Variants in PSD3 observed in about 807,000 individuals in gnomAD.
PSD3 encodes pleckstrin and Sec7 domain containing 3, also known as PH and SEC7 domain-containing protein 3.
In PSD3, 49 loss-of-function variants were observed where a neutral mutation model predicts 105.5. The ratio of observed to expected loss-of-function variants is 0.46; its 90% CI spans 0.37 to 0.59. PSD3 has a LOEUF of 0.59. Ranked by LOEUF, PSD3 falls within the 20% of genes least tolerant of loss-of-function variation. The pLI, the probability that PSD3 is intolerant of heterozygous loss-of-function variation, is 0.00. For synonymous variants in PSD3, 557 were observed against 457.8 expected, an observed-to-expected ratio of 1.22 and a Z score of -2.77; for missense variants, 1,561 against 1,263.8, an observed-to-expected ratio of 1.24 and a Z score of -3.57.
At chr8:18,899,877 C>A (rs568684785) in intron 2 of PSD3, among the ~76,000 whole-genome samples, 1 of 152,264 alleles carries the variant, frequency 6.6e-6, no homozygotes, top group Admixed American at 6.5e-5. Flanking sequence ...CATCATAAAT[C>A]CAACTGTATT....
At chr8:18,774,059 A>T (rs1296742086) in intron 8 of PSD3, among the ~76,000 whole-genome samples, 2 of 152,164 alleles carry the variant, frequency 1.3e-5, no homozygotes, top group Non-Finnish European at 2.9e-5. Flanking sequence ...GCAAATGCTC[A>T]ACTTGTATTT....
intron 9 of PSD3, among the ~76,000 whole-genome samples, chr8:18,686,301 A>AT (rs1046669636): frequency 4.2e-4 from 64 of 152,160 alleles, no homozygotes; most frequent in African/African-American, 1.5e-3. Flanking sequence ...TAATATTGCA[A>AT]TCCCCACTTT....
At chr8:18,985,961 T>C (rs1462033162) in intron 1 of PSD3, among the ~76,000 whole-genome samples, 1 of 152,102 alleles carries the variant, frequency 6.6e-6, no homozygotes, top group Admixed American at 6.6e-5. Context: ...CTCACTTTGT[T>C]ACTCAAAGTT....
intron 4 of PSD3, among the ~76,000 whole-genome samples, chr8:18,837,875 T>C (rs1331309510): frequency 3.9e-5 from 6 of 152,164 alleles, no homozygotes; most frequent in Non-Finnish European, 5.9e-5. Context: ...CAAGGATGGC[T>C]GTTCACTAAT....
At chr8:18,708,310 C>A (rs900617524) in intron 9 of PSD3, among the ~76,000 whole-genome samples, 1 of 152,024 alleles carries the variant, frequency 6.6e-6, no homozygotes, top group African/African-American at 2.4e-5. Flanking sequence ...ATGGAAGGGC[C>A]AAATAAGAGA....
chr8:18,784,949 G>A (rs560537455), intron 8 of PSD3, among the ~76,000 whole-genome samples: 15 of 152,228 alleles, frequency 9.9e-5, no homozygotes, highest in African/African-American at 3.1e-4. Context: ...GGGTGTGTGC[G>A]GAAGGAGGGG....
At chr8:18,826,788 G>A (rs528856514) in intron 4 of PSD3, among the ~76,000 whole-genome samples, 2 of 152,308 alleles carry the variant, frequency 1.3e-5, no homozygotes, top group South Asian at 4.1e-4. Context: ...ACTCAACACT[G>A]AGATGAATAT....
rs1479268177 is a variant in PSD3, at chr8:18,527,519, A to G, written c.*8224T>C. 3.3e-5 allele frequency: 5 copies of G among 152,668 alleles called. No homozygotes were observed. The highest frequency in any genetic ancestry group is 7.2e-5 in the African/African-American group (3 of 41,462). The allele number at this position is 152,668 out of a possible 1,614,324, so 9.5% of individuals were successfully genotyped here. On this transcript the variant is annotated 3_prime_UTR_variant, in exon 16 of 16. Transcript: ENST00000327040. ...AACATTTACACAATAAATGTACTCTATATATCACAGCTTCTATACATATCA... is the reference window on the plus strand; with the variant it reads ...AACATTTACACAATAAATGTACTCTGTATATCACAGCTTCTATACATATCA...
At position 18,927,312 on chromosome 8, in the gene PSD3, C is replaced by T. The variant is rs372978127; in HGVS notation, c.130+8722G>A. The stretch of plus-strand genomic sequence containing the variant: ...CATTGCAACCTCTGCCTCCAGGGTT[C>T]AAGCAATTCTCCTGCCTCAGCCTCC... On this transcript the variant is annotated intron_variant, in intron 2 of 15. Transcript: ENST00000327040. Among the ~76,000 whole-genome samples, 17 of 152,238 alleles carry T rather than the reference C, an allele frequency of 1.1e-4. No individual in the cohort carries two copies. The East Asian group carries it at 3.1e-3, about 28-fold the overall frequency.
At chr8:18,807,368 C>T (rs530664111) in intron 4 of PSD3, among the ~76,000 whole-genome samples, 1 of 152,264 alleles carries the variant, frequency 6.6e-6, no homozygotes, top group South Asian at 2.1e-4. Context: ...CTTCTCCAAG[C>T]ACACTTTATC....
intron 1 of PSD3, among the ~76,000 whole-genome samples, chr8:18,954,818 T>G (rs951619954): frequency 6.6e-6 from 1 of 152,150 alleles, no homozygotes; most frequent in African/African-American, 2.4e-5. Flanking sequence ...TACAGACGGT[T>G]CAAGGACCAC....
intron 4 of PSD3, among the ~76,000 whole-genome samples, chr8:18,841,467 A>AACACACACACACACACACACAC (rs35771611): frequency 1.4e-5 from 2 of 148,142 alleles, no homozygotes; most frequent in African/African-American, 4.9e-5. Context: ...CTGCTATTTA[A>AACACACACACACACACACACAC]ACACACACAC....
chr8:18,988,207 A>G (rs1182589188), intron 1 of PSD3, among the ~76,000 whole-genome samples: 3 of 152,166 alleles, frequency 2.0e-5, no homozygotes, highest in Non-Finnish European at 1.5e-5. Flanking sequence ...AATTCTGAAT[A>G]CATAAAACAT....
At chr8:18,675,077 C>T (rs571313432) in intron 9 of PSD3, among the ~76,000 whole-genome samples, 7 of 152,086 alleles carry the variant, frequency 4.6e-5, no homozygotes, top group African/African-American at 1.7e-4. Flanking sequence ...ATCTGTCCCT[C>T]GGAGTGACAG....
At chr8:19,013,904 C>G (rs1252667105), upstream of PSD3, among the ~76,000 whole-genome samples, 1 of 65,352 alleles carries the variant, frequency 1.5e-5, no homozygotes, top group African/African-American at 5.7e-5. Context: ...GCCTCCGAGG[C>G]GGGGGCGGGG....
intron 9 of PSD3, among the ~76,000 whole-genome samples, chr8:18,712,858 G>C (rs1347384750): frequency 6.6e-6 from 1 of 152,022 alleles, no homozygotes; most frequent in Non-Finnish European, 1.5e-5. Context: ...ACCAACATAC[G>C]TGGTGAACAC....
chr8:18,673,656 C>T (rs563430682), intron 9 of PSD3, among the ~76,000 whole-genome samples: 3 of 152,176 alleles, frequency 2.0e-5, no homozygotes, highest in Non-Finnish European at 4.4e-5. Context: ...TTCTCTTTCA[C>T]TTCTTCAAGC....
At chr8:18,689,787 A>G (rs191122261) in intron 9 of PSD3, among the ~76,000 whole-genome samples, 3 of 152,280 alleles carry the variant, frequency 2.0e-5, no homozygotes, top group Admixed American at 2.0e-4. Context: ...CTGCTGTTAT[A>G]AAGATGCTAA....
intron 8 of PSD3, among the ~76,000 whole-genome samples, chr8:18,772,342 T>G (rs1807618570): frequency 6.6e-6 from 1 of 152,184 alleles, no homozygotes; most frequent in African/African-American, 2.4e-5. Flanking sequence ...ATTTTACAAT[T>G]CCTACAACAG....
Sources: allele counts gnomAD v4.1 joint callset (sites outside exome capture counted in the v4.1 genomes callset), GRCh38; gene constraint gnomAD v4.1.1; transcripts MANE v1.5; gene names NCBI Gene and HGNC (gene_info 2026-07-23, HGNC 2026-07-21).